Variants in ELL observed in about 807,000 individuals in gnomAD.
ELL encodes elongation factor for RNA polymerase II, also known as RNA polymerase II elongation factor ELL.
ELL carries 18 observed loss-of-function variants against 64.0 expected under a neutral mutation model. The observed-to-expected ratio is 0.28, with a 90% confidence interval of 0.19 to 0.42. The LOEUF (loss-of-function observed/expected upper bound fraction) is 0.42, where lower values mean the gene tolerates loss of function less well. Ranked by LOEUF, ELL falls within the 10% of genes least tolerant of loss-of-function variation. The pLI is 1.00. For synonymous variants in ELL, 399 were observed against 376.2 expected (o/e 1.06, Z -0.70); for missense variants, 797 against 870.4 (o/e 0.92, Z 1.06).
Position 18,522,040 on chromosome 19 carries a change from C to T in ELL, c.16G>A (p.Glu6Lys). The change falls in exon 1 of 12, where the codon GAG (glutamate) becomes AAG (lysine). Residue 6 changes from glutamate to lysine, a missense_variant. Glu to Lys is a moderately conservative substitution (Grantham distance 56). Coordinates refer to ENST00000262809, the MANE Select transcript of ELL (RefSeq NM_006532.4). Reference protein sequence around the residue: MAALKEDRSYGLSCGR... With the variant: MAALKKDRSYGLSCGR... ...CACGACAGCCCGTAGCTCCTATCCTCCTTCAGCGCCGCCATCTTGCGACCA... is the reference window on the plus strand; with the variant it reads ...CACGACAGCCCGTAGCTCCTATCCTTCTTCAGCGCCGCCATCTTGCGACCA... 2 of 1,604,870 alleles carry T rather than the reference C, an allele frequency of 1.2e-6. No homozygotes were observed. The highest frequency in any genetic ancestry group is 1.4e-5 in the African/African-American group (1 of 73,968).
chr19:18,496,125 T>C (rs1975648175), intron 1 of ELL, among the ~76,000 whole-genome samples: 1 of 152,088 alleles, frequency 6.6e-6, no homozygotes, highest in Non-Finnish European at 1.5e-5. Flanking sequence ...TCCTTATGGA[T>C]GGGGAAACTG....
At chr19:18,508,147 G>C (rs1975925140) in intron 1 of ELL, among the ~76,000 whole-genome samples, 1 of 152,162 alleles carries the variant, frequency 6.6e-6, no homozygotes. Flanking sequence ...GAGTTTGCAT[G>C]AGATCAAAAT....
intron 3 of ELL, 70 bp from the exon 4 acceptor site, chr19:18,465,645 G>A (rs1974917721): frequency 6.8e-7 from 1 of 1,480,380 alleles, no homozygotes; most frequent in Non-Finnish European, 9.0e-7. Flanking sequence ...GAGGGCCCAA[G>A]CCCCCAGCCC....
intron 1 of ELL, among the ~76,000 whole-genome samples, chr19:18,484,230 G>A (rs1452972919): frequency 5.3e-5 from 8 of 152,218 alleles, no homozygotes; most frequent in Non-Finnish European, 7.3e-5. Flanking sequence ...TTGGGAAGCC[G>A]AGGTGGGTGG....
chr19:18,471,687 C>A (rs1250245195), intron 2 of ELL, among the ~76,000 whole-genome samples: 1 of 152,186 alleles, frequency 6.6e-6, no homozygotes, highest in African/African-American at 2.4e-5. Context: ...AAAATCAAAC[C>A]ATTCTAAGGC....
At position 18,482,308 on chromosome 19, in the gene ELL, C is replaced by CTTTTTTTT. The variant is rs530594631; in HGVS notation, c.136-9434_136-9427dup. Among the ~76,000 whole-genome samples the CTTTTTTTT allele has an allele frequency of 4.6e-3, 355 of 77,536 alleles. 56 individuals are homozygous for CTTTTTTTT. The highest frequency in any genetic ancestry group is 0.016 in the African/African-American group (249 of 15,312). The allele number at this position is 77,536 out of a possible 152,430, so 50.9% of individuals were successfully genotyped here. On this transcript the variant is annotated intron_variant, in intron 1 of 11. Coordinates refer to ENST00000262809, the MANE Select transcript of ELL (RefSeq NM_006532.4). ...TAGTCCATGGCTTGTCTTTTCATTC[C>CTTTTTTTT]TTTTTTTTTTTTTTTTTTTTTTTTT...
At chr19:18,508,057 G>A (rs4808136) in intron 1 of ELL, among the ~76,000 whole-genome samples, 70,781 of 152,146 alleles carry the variant, frequency 0.47, 19,114 homozygotes, top group African/African-American at 0.76. Flanking sequence ...TCCCACTGGA[G>A]GCTATGTCAG....
chr19:18,445,509 G>A (rs1379705459), intron 10 of ELL: 4 of 295,688 alleles, frequency 1.4e-5, no homozygotes, highest in Admixed American at 4.0e-5. Flanking sequence ...TTGTGGGGGC[G>A]TGGCAGGACA....
chr19:18,473,824 C>A (rs921161843), intron 1 of ELL, among the ~76,000 whole-genome samples: 1 of 152,124 alleles, frequency 6.6e-6, no homozygotes, highest in Non-Finnish European at 1.5e-5. Context: ...CCACCTGGCC[C>A]CACTGCCCCA....
At chr19:18,477,085 G>C (rs1568386999) in intron 1 of ELL, among the ~76,000 whole-genome samples, 1 of 152,210 alleles carries the variant, frequency 6.6e-6, no homozygotes, top group East Asian at 1.9e-4. Flanking sequence ...TGAACAGACA[G>C]GGGCTTTGGG....
At chr19:18,467,903 C>T (rs1202108714) in intron 2 of ELL, among the ~76,000 whole-genome samples, 1 of 133,340 alleles carries the variant, frequency 7.5e-6, no homozygotes, top group Non-Finnish European at 1.6e-5. Flanking sequence ...CCCCTCCATA[C>T]ACAATCTCCC....
intron 1 of ELL, among the ~76,000 whole-genome samples, chr19:18,516,716 G>A (rs1019917424): frequency 3.9e-4 from 60 of 152,118 alleles, no homozygotes; most frequent in African/African-American, 1.4e-3. Flanking sequence ...GCACAAGAGG[G>A]GTCAGGTTAT....
In ELL at chr19:18,461,748, C is replaced by T; in HGVS notation, c.574G>A (p.Gly192Ser). 2 of 1,614,036 alleles carry T rather than the reference C, an allele frequency of 1.2e-6. No individual in the cohort carries two copies. The highest frequency in any genetic ancestry group is 1.7e-6 in the Non-Finnish European group (2 of 1,180,036). The change falls in exon 5 of 12, where the codon GGT (glycine) becomes AGT (serine). Residue 192 changes from glycine (G) to serine (S), a missense_variant. Gly to Ser is a moderately conservative substitution (Grantham distance 56). Transcript: ENST00000262809. The part of the protein sequence containing the change: ...INLASAIRKS[G>S]ASAVSGGSGV... ...CTGCCCCCACTCACGGCACTGGCAC[C>T]ACTCTTCCTGATGGCACTCGCCAAG...
chr19:18,450,183 C>G (rs1294561035), intron 8 of ELL, among the ~76,000 whole-genome samples: 1 of 152,230 alleles, frequency 6.6e-6, no homozygotes, highest in Non-Finnish European at 1.5e-5. Context: ...TGCATGTTAG[C>G]CCCTTCTGCG....
intron 1 of ELL, among the ~76,000 whole-genome samples, chr19:18,478,644 G>A (rs1435887101): frequency 6.6e-6 from 1 of 152,240 alleles, no homozygotes; most frequent in African/African-American, 2.4e-5. Context: ...GCCACAGCTG[G>A]CCTGACACAG....
intron 1 of ELL, among the ~76,000 whole-genome samples, chr19:18,520,697 T>C (rs1451107921): frequency 2.1e-5 from 3 of 142,002 alleles, no homozygotes; most frequent in African/African-American, 5.2e-5. Context: ...GTCTCCCTCC[T>C]CCCCCGCCCG....
intron 1 of ELL, among the ~76,000 whole-genome samples, chr19:18,485,710 G>A (rs150810008): frequency 8.5e-5 from 13 of 152,104 alleles, no homozygotes; most frequent in Non-Finnish European, 1.3e-4. Context: ...GGGATGGGCC[G>A]GGCGCGGTGG....
rs1422745524 is a variant in ELL at position 18,449,137 on chromosome 19, G to A, written c.1465+1340C>T. ...GGATGAACTGCCTAGGGGCCAACAC[G>A]CACCAGGCCAGACAGGAAACCACCT... is the stretch of plus-strand genomic sequence containing the variant. On this transcript the variant is annotated intron_variant, in intron 8 of 11. Transcript: ENST00000262809. The surrounding 1 kb of genome is among the most constrained non-coding windows in gnomAD (Gnocchi z 4.4). Among the ~76,000 whole-genome samples, 2 of 152,070 alleles carry A rather than the reference G, an allele frequency of 1.3e-5. No homozygotes were observed. The highest frequency in any genetic ancestry group is 2.9e-5 in the Non-Finnish European group (2 of 67,992).
chr19:18,521,618 G>C (rs1294755448), intron 1 of ELL, among the ~76,000 whole-genome samples: 2 of 151,978 alleles, frequency 1.3e-5, no homozygotes, highest in Non-Finnish European at 2.9e-5. Flanking sequence ...GTGCCCAGCA[G>C]GCCAGAAAGG....
Sources: gnomAD v4.1 joint callset for allele counts (sites outside exome capture counted in the v4.1 genomes callset) on GRCh38, gnomAD v4.1.1 for gene constraint, Gnocchi (gnomAD v3.1) non-coding constraint, MANE v1.5 for transcripts, NCBI Gene and HGNC (gene_info 2026-07-23, HGNC 2026-07-21) for gene names.